The following ATXN2 variants were observed in gnomAD, a reference collection of about 807,000 sequenced individuals.
ATXN2 encodes the protein ataxin-2.
Under a neutral mutation model 138.6 loss-of-function variants are expected in ATXN2, and 37 were observed. The ratio of observed to expected loss-of-function variants is 0.27; its 90% CI spans 0.21 to 0.35. ATXN2 has a LOEUF of 0.35. Among genes scored for constraint, ATXN2 ranks in the 10% least tolerant of loss-of-function variants. The pLI is 1.00. For synonymous variants in ATXN2, 549 were observed against 543.7 expected (o/e 1.01, Z -0.13); for missense variants, 1,216 against 1,480.3 (o/e 0.82, Z 2.93).
intron 14 of ATXN2, among the ~76,000 whole-genome samples, chr12:111,506,749 A>G (rs1879146128): frequency 6.6e-6 from 1 of 150,604 alleles, no homozygotes; most frequent in African/African-American, 2.4e-5. Flanking sequence ...ATCTCGGCTC[A>G]CTGCAACCTC....
chr12:111,508,539 T>C (rs1393142811), intron 14 of ATXN2, among the ~76,000 whole-genome samples: 1 of 136,544 alleles, frequency 7.3e-6, no homozygotes, highest in Non-Finnish European at 1.6e-5. Flanking sequence ...CTCTGTCTCC[T>C]GGGTTCAAGC....
intron 1 of ATXN2, among the ~76,000 whole-genome samples, chr12:111,572,641 T>C (rs555746571): frequency 7.9e-5 from 12 of 152,284 alleles, no homozygotes; most frequent in African/African-American, 2.6e-4. Context: ...CCTCCTGATA[T>C]TGTTTGGCCC....
intron 5 of ATXN2, among the ~76,000 whole-genome samples, chr12:111,531,322 C>T (rs1029946663): frequency 4.6e-5 from 7 of 151,962 alleles, no homozygotes; most frequent in Admixed American, 2.0e-4. Context: ...CTGAGGCAGG[C>T]GAATTGCTTG....
chr12:111,469,838 AC>A (rs1259742915), intron 20 of ATXN2: 7 of 423,734 alleles, frequency 1.7e-5, no homozygotes, highest in Middle Eastern at 5.9e-4. Flanking sequence ...GGAGAAAGGT[AC>A]CTTTCTCCAC....
intron 14 of ATXN2, among the ~76,000 whole-genome samples, chr12:111,507,808 C>T (rs915203414): frequency 6.6e-6 from 1 of 152,246 alleles, no homozygotes; most frequent in Non-Finnish European, 1.5e-5. Context: ...TCATTTTGTT[C>T]TGTACTAAGA....
Position 111,513,398 on chromosome 12 carries a change from G to T in ATXN2, c.1517C>A (p.Thr506Asn). The T allele has an allele frequency of 6.2e-7, 1 of 1,613,984 alleles. No homozygotes were observed. The highest frequency in any genetic ancestry group is 8.5e-7 in the Non-Finnish European group (1 of 1,179,998). Residue 506 changes from threonine to asparagine, a missense_variant, in exon 11 of 25, where the codon ACC (threonine) becomes AAC (asparagine). Physicochemically the swap from Thr to Asn is moderately conservative, Grantham distance 65 (BLOSUM62 0). Around this residue, in one of 4 missense-constraint regions of ATXN2, gnomAD observed 215 missense variants for 210.0 expected, o/e 1.02. Coordinates refer to ENST00000673436, the MANE Select transcript of ATXN2 (RefSeq NM_001372574.1). ...SEAATPPVAR[T>N]SPSGGTWSSV... The stretch of plus-strand genomic sequence containing the variant: ...TGACCACGTTCCCCCCGAGGGACTG[G>T]TCCTTGCTACTGGAGGAGTAGCTGC...
At chr12:111,468,984 G>A (rs1368884106) in intron 20 of ATXN2, 1 of 152,174 alleles carries the variant, frequency 6.6e-6, no homozygotes, top group East Asian at 1.9e-4. Flanking sequence ...ACAGGCGTGA[G>A]CCACTGCGCC....
intron 5 of ATXN2, among the ~76,000 whole-genome samples, chr12:111,546,334 A>G (rs1239399685): frequency 1.3e-5 from 2 of 152,234 alleles, no homozygotes; most frequent in Non-Finnish European, 2.9e-5. Flanking sequence ...ACTTTTCTGT[A>G]AAGAGACAGT....
rs1880416818 is a variant in ATXN2 at position 111,525,271 on chromosome 12, T to C, written c.617A>G (p.His206Arg). The C allele has an allele frequency of 6.2e-7, 1 of 1,613,542 alleles. No individual in the cohort carries two copies. Among genetic ancestry groups the C allele is most frequent in the Non-Finnish European group, 8.5e-7 (1 of 1,179,926 alleles). The change falls in exon 6 of 25, where the codon CAC becomes CGC. Residue 206 changes from histidine (H) to arginine (R), a missense_variant. This residue lies in a region of ATXN2 where 401 missense variants were observed against 528.1 expected (regional missense o/e 0.76). Coordinates refer to ENST00000673436, the MANE Select transcript of ATXN2 (RefSeq NM_001372574.1). ...CCAGGGCTCCAGGTCCTTCTCTTTG[T>C]GTTCGCCATTCACTTTAGCACTGAT... is the stretch of plus-strand genomic sequence containing the variant. ...SAISAKVNGE[H>R]KEKDLEPWDA... is the part of the protein sequence containing the mutation.
rs970205775 is a variant in ATXN2, at chr12:111,541,097, A to G, written c.571+11183T>C. ...TAAAGTCCTTCTCCACTCAAAATTA[A>G]ACAAATTCACAGATTTGCTCCAGTG... On this transcript the variant is annotated intron_variant, in intron 5 of 24. Coordinates refer to ENST00000673436, the MANE Select transcript of ATXN2 (RefSeq NM_001372574.1). Among the ~76,000 whole-genome samples, 7 of 150,022 alleles carry G rather than the reference A, an allele frequency of 4.7e-5. 1 individual carries two copies. Among genetic ancestry groups the G allele is most frequent in the Non-Finnish European group, 1.0e-4 (7 of 66,938 alleles).
intron 5 of ATXN2, among the ~76,000 whole-genome samples, chr12:111,529,675 T>A (rs956755922): frequency 1.3e-5 from 2 of 152,142 alleles, no homozygotes; most frequent in African/African-American, 4.8e-5. Flanking sequence ...CTTCTGGGTA[T>A]CCCCAGCCCC....
chr12:111,595,121 G>A (rs1884871072), intron 1 of ATXN2, among the ~76,000 whole-genome samples: 1 of 152,108 alleles, frequency 6.6e-6, no homozygotes, highest in Non-Finnish European at 1.5e-5. Flanking sequence ...CCATGGAAGA[G>A]CAACCTTCTT....
intron 23 of ATXN2, chr12:111,455,163 G>T: frequency 1.4e-6 from 1 of 702,218 alleles, no homozygotes; most frequent in South Asian, 1.5e-5. Context: ...GTCTCACTTA[G>T]ACCCGCCTCA....
At chr12:111,557,514 A>T (rs1439013365) in intron 1 of ATXN2, among the ~76,000 whole-genome samples, 1 of 152,178 alleles carries the variant, frequency 6.6e-6, no homozygotes, top group Non-Finnish European at 1.5e-5. Flanking sequence ...CTTACTACAA[A>T]ACCAGACACC....
At chr12:111,494,013 C>G (rs1878235625) in intron 14 of ATXN2, among the ~76,000 whole-genome samples, 1 of 152,092 alleles carries the variant, frequency 6.6e-6, no homozygotes, top group Non-Finnish European at 1.5e-5. Flanking sequence ...TCACTGCAAC[C>G]TGGGCCTCCT....
chr12:111,529,925 A>C (rs1213999365), intron 5 of ATXN2, among the ~76,000 whole-genome samples: 2 of 152,230 alleles, frequency 1.3e-5, no homozygotes, highest in Non-Finnish European at 2.9e-5. Flanking sequence ...TTAACATCAC[A>C]AACCCTCAAA....
chr12:111,552,747 A>T lies in ATXN2; in HGVS notation c.420+159T>A. ...TTGAAATATTTTAATAAGCACACACATCAAGAAGCCTCTCTGATTACACAA... is the reference window on the plus strand; with the variant it reads ...TTGAAATATTTTAATAAGCACACACTTCAAGAAGCCTCTCTGATTACACAA... On this transcript the variant is annotated intron_variant, in intron 4 of 24. Transcript: ENST00000673436. This position sits in a 1 kb window ranked among gnomAD's most constrained non-coding sequence, Gnocchi z 4.1. 3.4e-6 allele frequency: 2 copies of T among 579,746 alleles called. No individual in the cohort carries two copies. Among genetic ancestry groups the T allele is most frequent in the Non-Finnish European group, 5.8e-6 (2 of 343,940 alleles). 35.9% of individuals were successfully genotyped at this position (579,746 alleles called of 1,614,324 possible). A position where few individuals can be genotyped will look rare whatever the true frequency, so the allele number is the denominator to read the frequency against.
intron 3 of ATXN2, 52 bp from the exon 4 acceptor site, chr12:111,553,029 A>G: frequency 8.2e-7 from 1 of 1,223,450 alleles, no homozygotes. Context: ...CCCGGTCACC[A>G]GGGATATTTG....
chr12:111,572,105 A>G (rs1446148037), intron 1 of ATXN2, among the ~76,000 whole-genome samples: 1 of 150,736 alleles, frequency 6.6e-6, no homozygotes, highest in Non-Finnish European at 1.5e-5. Context: ...AAAGCCTAAA[A>G]TATTTACTAT....
Sources: allele counts gnomAD v4.1 joint callset (sites outside exome capture counted in the v4.1 genomes callset), GRCh38; gene constraint gnomAD v4.1.1; regional missense constraint gnomAD v4.1.1; non-coding constraint Gnocchi (gnomAD v3.1); transcripts MANE v1.5; gene names NCBI Gene and HGNC (gene_info 2026-07-23, HGNC 2026-07-21).